The following SUMF1 variants were observed in gnomAD, a reference collection of about 807,000 sequenced individuals.
The protein encoded by SUMF1 is sulfatase modifying factor 1, also known as formylglycine-generating enzyme.
In SUMF1, 48 loss-of-function variants were observed where a neutral mutation model predicts 47.6. That is an observed-to-expected ratio of 1.01 (90% CI 0.80 to 1.28). The LOEUF (loss-of-function observed/expected upper bound fraction) is 1.28, where lower values mean the gene tolerates loss of function less well. SUMF1 is among the 50% of genes most tolerant of loss of function. The probability of loss-of-function intolerance (pLI) is 0.00; values close to 1 mark genes in which losing one functional copy is unlikely to be tolerated. For missense variants in SUMF1, 571 were observed against 485.4 expected, an observed-to-expected ratio of 1.18 and a Z score of -1.66; for synonymous variants, 230 against 192.1, an observed-to-expected ratio of 1.20 and a Z score of -1.63.
At chr3:4,379,097 T>C (rs1161917539) in intron 7 of SUMF1, among the ~76,000 whole-genome samples, 1 of 152,176 alleles carries the variant, frequency 6.6e-6, no homozygotes, top group Non-Finnish European at 1.5e-5. Flanking sequence ...ATAAAACTAT[T>C]TTTGCTAGCA....
At chr3:4,206,162 A>G (rs1695648764) in intron 8 of SUMF1, among the ~76,000 whole-genome samples, 1 of 150,710 alleles carries the variant, frequency 6.6e-6, no homozygotes, top group Non-Finnish European at 1.5e-5. Flanking sequence ...CTTTCCTCTC[A>G]CCTCTCCTTT....
intron 8 of SUMF1, among the ~76,000 whole-genome samples, chr3:4,235,474 T>C (rs1431752384): frequency 6.6e-6 from 1 of 151,926 alleles, no homozygotes; most frequent in Non-Finnish European, 1.5e-5. Flanking sequence ...AAGAAGAAAA[T>C]ACAGCATAGA....
intron 5 of SUMF1, 37 bp downstream of exon 5, chr3:4,417,973 C>G: frequency 6.2e-7 from 1 of 1,613,366 alleles, no homozygotes; most frequent in Non-Finnish European, 8.5e-7. Context: ...TTCAAATGAC[C>G]AACATATTGT....
At chr3:4,265,083 G>A (rs1697162489) in intron 8 of SUMF1, among the ~76,000 whole-genome samples, 2 of 137,960 alleles carry the variant, frequency 1.4e-5, no homozygotes, top group Admixed American at 1.6e-4. Flanking sequence ...GCTGCAGTGA[G>A]CCAAGATTGC....
intron 6 of SUMF1, among the ~76,000 whole-genome samples, chr3:4,416,874 G>A (rs999932556): frequency 6.6e-6 from 1 of 152,174 alleles, no homozygotes; most frequent in Non-Finnish European, 1.5e-5. Context: ...TTCCAGGACA[G>A]TTTAGCTTTC....
At chr3:4,414,159 C>T (rs1701632350) in intron 6 of SUMF1, among the ~76,000 whole-genome samples, 1 of 152,182 alleles carries the variant, frequency 6.6e-6, no homozygotes, top group African/African-American at 2.4e-5. Context: ...GCCACCGCAC[C>T]TGGCCCCAAA....
intron 8 of SUMF1, among the ~76,000 whole-genome samples, chr3:4,324,647 C>A (rs1334589628): frequency 1.3e-5 from 2 of 152,090 alleles, no homozygotes; most frequent in South Asian, 2.1e-4. Flanking sequence ...AGTAAATCTA[C>A]ATTTTTACAT....
chr3:4,308,850 C>A (rs1698295185), intron 8 of SUMF1, among the ~76,000 whole-genome samples: 2 of 151,932 alleles, frequency 1.3e-5, no homozygotes, highest in Non-Finnish European at 2.9e-5. Context: ...TCAAACTCTG[C>A]AAAATATTTG....
At chr3:4,124,620 T>G (rs1457808480) in intron 8 of SUMF1, among the ~76,000 whole-genome samples, 1 of 151,960 alleles carries the variant, frequency 6.6e-6, no homozygotes, top group African/African-American at 2.4e-5. Flanking sequence ...AAATCAACTC[T>G]GAAATTCAGG....
intron 9 of SUMF1, among the ~76,000 whole-genome samples, chr3:4,035,435 C>T (rs1269481912): frequency 1.3e-5 from 2 of 152,180 alleles, no homozygotes; most frequent in Non-Finnish European, 1.5e-5. Context: ...CTGTTATCAT[C>T]CTCTTTTGTC....
chr3:4,452,396 GA>G (rs1306042784), intron 2 of SUMF1, among the ~76,000 whole-genome samples: 1 of 152,118 alleles, frequency 6.6e-6, no homozygotes, highest in African/African-American at 2.4e-5. Flanking sequence ...ATAAAGACAC[GA>G]AAATGAAAAG....
chr3:4,393,728 T>C (rs1412191014), intron 7 of SUMF1, among the ~76,000 whole-genome samples: 5 of 152,086 alleles, frequency 3.3e-5, no homozygotes, highest in African/African-American at 7.2e-5. Flanking sequence ...GAACGCCACA[T>C]ATTCTCACCC....
intron 8 of SUMF1, among the ~76,000 whole-genome samples, chr3:4,158,545 T>C (rs1258214583): frequency 2.0e-5 from 3 of 151,550 alleles, no homozygotes; most frequent in African/African-American, 4.9e-5. Context: ...AAGTGGGGTG[T>C]TGAAGTCTCT....
chr3:4,165,366 G>A (rs1694675489), intron 8 of SUMF1, among the ~76,000 whole-genome samples: 2 of 152,004 alleles, frequency 1.3e-5, no homozygotes, highest in African/African-American at 2.4e-5. Flanking sequence ...AGCTTGAAGA[G>A]GACACAACCA....
intron 8 of SUMF1, among the ~76,000 whole-genome samples, chr3:4,140,844 A>G (rs531058685): frequency 4.6e-5 from 7 of 152,206 alleles, no homozygotes; most frequent in East Asian, 1.9e-4. Flanking sequence ...AAAAGGTTTC[A>G]TTGAAGAAAA....
chr3:4,451,106 T>G (rs1236994341), intron 2 of SUMF1, among the ~76,000 whole-genome samples: 1 of 148,556 alleles, frequency 6.7e-6, no homozygotes, highest in Non-Finnish European at 1.5e-5. Flanking sequence ...TAAAATAAAA[T>G]AAATAGTATT....
intron 8 of SUMF1, among the ~76,000 whole-genome samples, chr3:4,208,621 C>T (rs80353886): frequency 0.018 from 2,697 of 151,582 alleles, 40 homozygotes; most frequent in Non-Finnish European, 0.029. Context: ...AGCGGAGAGA[C>T]GAAAATTCTA....
intron 8 of SUMF1, among the ~76,000 whole-genome samples, chr3:4,239,022 T>G (rs192822324): frequency 6.6e-6 from 1 of 152,274 alleles, no homozygotes; most frequent in East Asian, 1.9e-4. Context: ...CACCATTTAT[T>G]AAATAGGGAA....
chr3:4,361,594 A>G lies in SUMF1; in HGVS notation c.*550T>C, dbSNP rs1312383173. On this transcript the variant is annotated 3_prime_UTR_variant, in exon 9 of 9. Transcript: ENST00000272902. ...ACCACACCCCTCTTCCGAAAATAATACATAAGAGAACTCTTACTTTACATG... is the reference window on the plus strand; with the variant it reads ...ACCACACCCCTCTTCCGAAAATAATGCATAAGAGAACTCTTACTTTACATG... 6.2e-6 allele frequency: 1 copy of G among 160,492 alleles called. No individual in the cohort carries two copies. The highest frequency in any genetic ancestry group is 1.4e-5 in the Non-Finnish European group (1 of 72,246). 9.9% of individuals were successfully genotyped at this position (160,492 alleles called of 1,614,324 possible).
Sources: gnomAD v4.1 joint callset for allele counts (sites outside exome capture counted in the v4.1 genomes callset) on GRCh38, gnomAD v4.1.1 for gene constraint, MANE v1.5 for transcripts, NCBI Gene and HGNC (gene_info 2026-07-23, HGNC 2026-07-21) for gene names.